Variants in NAA30 observed in about 807,000 individuals in gnomAD.
NAA30 encodes N-alpha-acetyltransferase 30, NatC catalytic subunit, also known as N-alpha-acetyltransferase 30.
In NAA30, 5 loss-of-function variants were observed where a neutral mutation model predicts 31.4. The observed-to-expected ratio is 0.16, with a 90% CI of 0.08 to 0.33. The LOEUF is 0.33. NAA30 is among the 10% of genes least tolerant of loss of function. NAA30 has a pLI of 1.00. For synonymous variants in NAA30, 222 were observed against 207.1 expected, an observed-to-expected ratio of 1.07 and a Z score of -0.62; for missense variants, 428 against 490.8, an observed-to-expected ratio of 0.87 and a Z score of 1.21.
chr14:57,396,965 A>G (rs2066453288), intron 3 of NAA30, 90 bp downstream of exon 3: 2 of 1,248,136 alleles, frequency 1.6e-6, no homozygotes, highest in Non-Finnish European at 2.2e-6. Flanking sequence ...GTAAGTATGT[A>G]GAAATGAAAG....
At chr14:57,400,341 G>A (rs887432457) in intron 4 of NAA30, among the ~76,000 whole-genome samples, 5 of 152,162 alleles carry the variant, frequency 3.3e-5, no homozygotes, top group East Asian at 1.9e-4. Flanking sequence ...AGCTATCTGC[G>A]CATTAACATA....
intron 4 of NAA30, among the ~76,000 whole-genome samples, chr14:57,407,809 T>C (rs2139766488): frequency 6.6e-6 from 1 of 152,214 alleles, no homozygotes; most frequent in African/African-American, 2.4e-5. Flanking sequence ...ACCTCTTGAG[T>C]TAGGAGGCTC....
chr14:57,404,276 C>T (rs184931069), intron 4 of NAA30, among the ~76,000 whole-genome samples: 83 of 152,166 alleles, frequency 5.5e-4, no homozygotes, highest in African/African-American at 2.0e-3. Context: ...GAGCCGAGAT[C>T]GCGCCATTGC....
intron 1 of NAA30, 109 bp downstream of exon 1, chr14:57,390,814 C>T: frequency 3.0e-6 from 2 of 657,144 alleles, no homozygotes; most frequent in Non-Finnish European, 4.2e-6. Context: ...GGGGGGGTGG[C>T]GGGGAATTGG....
rs1267570581 is a variant in NAA30 at position 57,411,650 on chromosome 14, C to A, written c.*2134C>A. The A allele has an allele frequency of 6.6e-6, 1 of 152,008 alleles. No individual in the cohort carries two copies. The highest frequency in any genetic ancestry group is 1.5e-5 in the Non-Finnish European group (1 of 67,978). The allele number at this position is 152,008 out of a possible 1,614,324, so 9.4% of individuals were successfully genotyped here. The stretch of plus-strand genomic sequence containing the variant: ...ACTGGTTGGGTGTTTGTAAAGATGA[C>A]GTTAACTGTGTGACTAAAAAGTCAG... On this transcript the variant is annotated 3_prime_UTR_variant, in exon 5 of 5. Coordinates refer to ENST00000556492, the MANE Select transcript of NAA30 (RefSeq NM_001011713.3).
At chr14:57,392,931 T>A (rs1204560420) in intron 2 of NAA30, among the ~76,000 whole-genome samples, 5 of 152,232 alleles carry the variant, frequency 3.3e-5, no homozygotes, top group Non-Finnish European at 7.4e-5. Context: ...TTGTTAAAAC[T>A]GTGGGTACTA....
chr14:57,405,233 T>G (rs2066493580), intron 4 of NAA30, among the ~76,000 whole-genome samples: 1 of 152,068 alleles, frequency 6.6e-6, no homozygotes. Flanking sequence ...AATGAGTAAA[T>G]TAGATTATTA....
chr14:57,397,809 C>T (rs1166298841), intron 3 of NAA30, among the ~76,000 whole-genome samples: 1 of 152,162 alleles, frequency 6.6e-6, no homozygotes, highest in African/African-American at 2.4e-5. Flanking sequence ...CCTGTCATCC[C>T]AGCTACTCAG....
chr14:57,399,985 T>TA, intron 4 of NAA30, 102 bp downstream of exon 4: 1 of 599,582 alleles, frequency 1.7e-6, no homozygotes, highest in East Asian at 3.1e-5. Flanking sequence ...ATTGCAGTGT[T>TA]ACTATACAAA....
chr14:57,408,572 C>T (rs1318935615), intron 4 of NAA30, among the ~76,000 whole-genome samples: 1 of 152,148 alleles, frequency 6.6e-6, no homozygotes, highest in African/African-American at 2.4e-5. Flanking sequence ...ATTAAAAATG[C>T]AGATTCTTGT....
At chr14:57,407,969 T>C (rs1000527844) in intron 4 of NAA30, among the ~76,000 whole-genome samples, 1 of 152,162 alleles carries the variant, frequency 6.6e-6, no homozygotes, top group Non-Finnish European at 1.5e-5. Flanking sequence ...GGTTCAAAGA[T>C]GACTCCTGGG....
chr14:57,399,047 G>A (rs2066462952), intron 3 of NAA30, among the ~76,000 whole-genome samples: 1 of 151,888 alleles, frequency 6.6e-6, no homozygotes, highest in Admixed American at 6.6e-5. Flanking sequence ...ATTTTTAATA[G>A]AGACGGGGTT....
rs768508735 is a variant in NAA30 at position 57,410,950 on chromosome 14, C to T, written c.*1434C>T. The T allele has an allele frequency of 6.6e-6, 1 of 152,182 alleles. No homozygotes were observed. Among genetic ancestry groups the T allele is most frequent in the Non-Finnish European group, 1.5e-5 (1 of 67,920 alleles). 9.4% of individuals were successfully genotyped at this position (152,182 alleles called of 1,614,324 possible). On this transcript the variant is annotated 3_prime_UTR_variant, in exon 5 of 5. Coordinates refer to ENST00000556492, the MANE Select transcript of NAA30 (RefSeq NM_001011713.3). ...GTTTTCATTTGAATATGCTCTACTT[C>T]TGCTCTAGTATTTGGTTTGGAATAT...
In NAA30 at chr14:57,391,605, C is replaced by G. The variant is rs1410454676; in HGVS notation, c.648C>G (p.Val216=). 1.9e-6 allele frequency: 3 copies of G among 1,614,222 alleles called. No homozygotes were observed. In the East Asian group the frequency reaches 6.7e-5, roughly 36 times the overall value. ...EPGEDRTIRY[V]RYESELQMPD... ...GGGAGGATCGGACGATACGATATGT[C>G]CGATATGAATCCGAGCTACAAATGC... The change falls in exon 2 of 5, where the codon GTC becomes GTG. Residue 216 remains valine (V), a synonymous_variant. Transcript: ENST00000556492. The surrounding 1 kb of genome is among the most constrained non-coding windows in gnomAD (Gnocchi z 4.1).
In NAA30 at chr14:57,414,513, C is replaced by T. The variant is rs1224345618; in HGVS notation, c.*4997C>T. The T allele has an allele frequency of 6.6e-6, 1 of 152,146 alleles. No individual in the cohort carries two copies. The highest frequency in any genetic ancestry group is 2.4e-5 in the African/African-American group (1 of 41,430). The allele number at this position is 152,146 out of a possible 1,614,324, so 9.4% of individuals were successfully genotyped here. A position where few individuals can be genotyped will look rare whatever the true frequency, so the allele number is the denominator to read the frequency against. On this transcript the variant is annotated 3_prime_UTR_variant, in exon 5 of 5. Transcript: ENST00000556492. ...TGTATAGTTGGCTCTAATAATTTCT[C>T]ATTTTTGATGAATTTGAAATCATTT...
intron 4 of NAA30, among the ~76,000 whole-genome samples, chr14:57,402,183 T>G (rs2066480144): frequency 6.6e-6 from 1 of 152,270 alleles, no homozygotes. Flanking sequence ...GTTAAAATAC[T>G]TTAGTCTTTA....
chr14:57,403,140 C>T (rs112499613), intron 4 of NAA30, among the ~76,000 whole-genome samples: 9,162 of 152,006 alleles, frequency 0.06, 361 homozygotes, highest in Non-Finnish European at 0.091. Flanking sequence ...AAGATTGCAC[C>T]GCTGCTTTCC....
intron 4 of NAA30, among the ~76,000 whole-genome samples, chr14:57,400,596 G>A (rs1186619050): frequency 6.6e-6 from 1 of 152,186 alleles, no homozygotes; most frequent in Admixed American, 6.5e-5. Context: ...ATGAGTAATA[G>A]AAGTAGCAAT....
chr14:57,396,618 C>A, intron 2 of NAA30, 134 bp from the exon 3 acceptor site: 1 of 781,490 alleles, frequency 1.3e-6, no homozygotes, highest in Admixed American at 2.2e-5. Flanking sequence ...ACTTCTGTGA[C>A]TGCTGTCTTG....
Sources: allele counts gnomAD v4.1 joint callset (sites outside exome capture counted in the v4.1 genomes callset), GRCh38; gene constraint gnomAD v4.1.1; non-coding constraint Gnocchi (gnomAD v3.1); transcripts MANE v1.5; gene names NCBI Gene and HGNC (gene_info 2026-07-23, HGNC 2026-07-21).